Variants in BMPER observed in about 807,000 individuals in gnomAD.
The protein encoded by BMPER is BMP binding endothelial regulator, also known as BMP-binding endothelial regulator protein.
In BMPER, 45 loss-of-function variants were observed where a neutral mutation model predicts 87.3. That is an observed-to-expected ratio of 0.52 (90% CI 0.41 to 0.66). The LOEUF is 0.66. BMPER is among the 30% of genes least tolerant of loss of function. The pLI is 0.00. For synonymous variants in BMPER, 326 were observed against 316.2 expected (o/e 1.03, Z -0.33); for missense variants, 784 against 867.5 (o/e 0.90, Z 1.21).
chr7:34,150,339 G>C (rs1791139652), intron 14 of BMPER, among the ~76,000 whole-genome samples: 1 of 152,058 alleles, frequency 6.6e-6, no homozygotes, highest in South Asian at 2.1e-4. Context: ...GTGGGGCAGG[G>C]TCGGAAGGAA....
intron 6 of BMPER, among the ~76,000 whole-genome samples, chr7:33,986,767 T>C (rs934088007): frequency 1.1e-4 from 16 of 152,270 alleles, no homozygotes; most frequent in African/African-American, 3.1e-4. Context: ...AAAAGAAATA[T>C]CCTTTTTAGT....
chr7:34,016,311 T>C (rs899227693), intron 6 of BMPER, among the ~76,000 whole-genome samples: 3 of 152,056 alleles, frequency 2.0e-5, no homozygotes, highest in Admixed American at 2.0e-4. Context: ...GGGGCTGTGA[T>C]TGGTTCTTGA....
intron 10 of BMPER, among the ~76,000 whole-genome samples, chr7:34,061,262 T>C (rs1016585972): frequency 3.9e-4 from 59 of 152,176 alleles, no homozygotes; most frequent in African/African-American, 1.4e-3. Flanking sequence ...GAGTCAGAGA[T>C]AAGACAACTG....
intron 13 of BMPER, among the ~76,000 whole-genome samples, chr7:34,108,553 C>T (rs1349263588): frequency 6.6e-6 from 1 of 152,180 alleles, no homozygotes; most frequent in African/African-American, 2.4e-5. Flanking sequence ...TTGCTGTTGG[C>T]TCTCTTATTT....
intron 10 of BMPER, among the ~76,000 whole-genome samples, chr7:34,060,181 C>A (rs191615782): frequency 1.3e-5 from 2 of 152,074 alleles, no homozygotes; most frequent in South Asian, 4.2e-4. Context: ...CTGATTTATT[C>A]CCCCATCTAA....
chr7:34,089,562 C>T (rs981478069), intron 13 of BMPER, among the ~76,000 whole-genome samples: 49 of 152,272 alleles, frequency 3.2e-4, no homozygotes, highest in African/African-American at 1.2e-3. Context: ...CGGCTCACTG[C>T]AACCTCTGCC....
chr7:33,918,001 G>T (rs12701338), intron 2 of BMPER, among the ~76,000 whole-genome samples: 103,202 of 151,968 alleles, frequency 0.68, 35,802 homozygotes, highest in Non-Finnish European at 0.77. Context: ...TTTTAGCATC[G>T]TTTATTTTTA....
intron 13 of BMPER, among the ~76,000 whole-genome samples, chr7:34,104,591 A>G (rs1789771780): frequency 6.6e-6 from 1 of 151,880 alleles, no homozygotes; most frequent in Admixed American, 6.6e-5. Context: ...CCATTTTCCC[A>G]TTTTTTTCTA....
At chr7:33,957,423 T>C (rs1322863251) in intron 3 of BMPER, among the ~76,000 whole-genome samples, 1 of 151,058 alleles carries the variant, frequency 6.6e-6, no homozygotes, top group Non-Finnish European at 1.5e-5. Context: ...GAGAGCTGAC[T>C]AGTGATTGCC....
chr7:34,012,308 TC>T (rs1357489026), intron 6 of BMPER, among the ~76,000 whole-genome samples: 1 of 151,380 alleles, frequency 6.6e-6, no homozygotes, highest in Non-Finnish European at 1.5e-5. Flanking sequence ...ACAAAAATAA[TC>T]CCCCCAAACA....
chr7:34,108,640 A>G (rs1321138482), intron 13 of BMPER, among the ~76,000 whole-genome samples: 4 of 152,184 alleles, frequency 2.6e-5, no homozygotes, highest in African/African-American at 9.7e-5. Context: ...TGATGATGAG[A>G]ATGGAGAAAA....
intron 10 of BMPER, among the ~76,000 whole-genome samples, chr7:34,059,580 G>A (rs186752130): frequency 6.7e-6 from 1 of 149,262 alleles, no homozygotes; most frequent in Non-Finnish European, 1.5e-5. Flanking sequence ...GGCCTCAGGG[G>A]CCACCTTTCT....
At chr7:34,112,546 T>G (rs1251958562) in intron 13 of BMPER, among the ~76,000 whole-genome samples, 1 of 146,582 alleles carries the variant, frequency 6.8e-6, no homozygotes, top group Non-Finnish European at 1.5e-5. Context: ...TAAAAATCAC[T>G]TCATCCAGAG....
chr7:34,083,432 C>T (rs1329263172), intron 12 of BMPER, among the ~76,000 whole-genome samples: 19 of 152,196 alleles, frequency 1.2e-4, no homozygotes, highest in Non-Finnish European at 1.2e-4. Context: ...TTTCTGAACT[C>T]AGACTCTTCT....
Position 33,937,563 on chromosome 7 carries a change from T to A in BMPER, c.319+175T>A. The A allele has an allele frequency of 4.6e-6, 3 of 652,686 alleles. No individual in the cohort carries two copies. The South Asian group carries it at 5.3e-5, about 11-fold the overall frequency. 40.4% of individuals were successfully genotyped at this position (652,686 alleles called of 1,614,324 possible). ...ATGTGTGTGTTTGTGTGTATGTGTG[T>A]ATCTGGGGCTGGAAGGAAGGGGGCT... On this transcript the variant is annotated intron_variant, in intron 3 of 14. Coordinates refer to ENST00000649409, the MANE Select transcript of BMPER (RefSeq NM_001365308.1).
chr7:33,931,629 G>T (rs1466050649), intron 2 of BMPER, among the ~76,000 whole-genome samples: 1 of 152,200 alleles, frequency 6.6e-6, no homozygotes, highest in Non-Finnish European at 1.5e-5. Context: ...ACTTCAAGGA[G>T]AAGTTGACTC....
intron 13 of BMPER, among the ~76,000 whole-genome samples, chr7:34,119,906 C>T (rs1305419136): frequency 6.6e-6 from 1 of 151,738 alleles, no homozygotes; most frequent in Non-Finnish European, 1.5e-5. Flanking sequence ...TAAAACCAAC[C>T]AATGAAAGTT....
At chr7:33,961,400 A>G (rs1003231942) in intron 3 of BMPER, among the ~76,000 whole-genome samples, 1 of 152,202 alleles carries the variant, frequency 6.6e-6, no homozygotes, top group Admixed American at 6.5e-5. Context: ...CAGTCTATGC[A>G]CCATTGGTCA....
chr7:34,048,209 A>T (rs1274691443), intron 7 of BMPER, among the ~76,000 whole-genome samples: 1 of 151,960 alleles, frequency 6.6e-6, no homozygotes, highest in Non-Finnish European at 1.5e-5. Flanking sequence ...CATGAAGTCT[A>T]TTTTTTTATG....
Sources: gnomAD v4.1 joint callset for allele counts (sites outside exome capture counted in the v4.1 genomes callset) on GRCh38, gnomAD v4.1.1 for gene constraint, MANE v1.5 for transcripts, NCBI Gene and HGNC (gene_info 2026-07-23, HGNC 2026-07-21) for gene names.